ARHGAP6: variants seen among roughly 807,000 people sequenced by gnomAD.
ARHGAP6 encodes rho GTPase-activating protein 6.
ARHGAP6 carries 16 observed loss-of-function variants against 55.7 expected under a neutral mutation model. The ratio of observed to expected loss-of-function variants is 0.29; its 90% confidence interval spans 0.19 to 0.44. The LOEUF (loss-of-function observed/expected upper bound fraction) is 0.44, where lower values mean the gene tolerates loss of function less well. ARHGAP6 is among the 20% of genes least tolerant of loss of function. The pLI, the probability that ARHGAP6 is intolerant of heterozygous loss-of-function variation, is 1.00. For missense variants in ARHGAP6, 698 were observed against 808.9 expected (o/e 0.86, Z 1.66); for synonymous variants, 382 against 360.9 (o/e 1.06, Z -0.66).
intron 1 of ARHGAP6, among the ~76,000 whole-genome samples, chrX:11,465,607 C>T (rs73500884): frequency 1.8e-5 from 2 of 111,709 alleles, no homozygotes; most frequent in Non-Finnish European, 3.8e-5. Context: ...ATTAGAAATA[C>T]TTGATCTGGA....
chrX:11,344,678 C>CAA (rs34123570), intron 1 of ARHGAP6, among the ~76,000 whole-genome samples: 13 of 28,260 alleles, frequency 4.6e-4, no homozygotes, highest in African/African-American at 6.0e-4. Flanking sequence ...AACTCCATCA[C>CAA]AAAAAAAAAA....
At chrX:11,215,283 G>A (rs2046863883) in intron 2 of ARHGAP6, among the ~76,000 whole-genome samples, 1 of 113,001 alleles carries the variant, frequency 8.8e-6, no homozygotes, top group Non-Finnish European at 1.9e-5. Context: ...GAGATCCTCT[G>A]TCATCCCACA....
chrX:11,203,747 A>T (rs1390902436), intron 2 of ARHGAP6, among the ~76,000 whole-genome samples: 3 of 111,564 alleles, frequency 2.7e-5, no homozygotes, highest in Non-Finnish European at 5.6e-5. Flanking sequence ...CAAACAGTGG[A>T]CCCTTCTCCA....
chrX:11,239,484 T>G (rs1602939240), intron 2 of ARHGAP6, among the ~76,000 whole-genome samples: 1 of 111,127 alleles, frequency 9.0e-6, no homozygotes, highest in East Asian at 2.8e-4. Context: ...AACATGTGCC[T>G]AAGCTGACAT....
At chrX:11,202,087 A>G (rs1191350052) in intron 2 of ARHGAP6, among the ~76,000 whole-genome samples, 1 of 102,493 alleles carries the variant, frequency 9.8e-6, no homozygotes, top group African/African-American at 3.6e-5. Flanking sequence ...ATTGGCTGGT[A>G]TTCTTAGCTA....
rs751080433 is a variant in ARHGAP6, at chrX:11,254,716, C to CAAAAA, written c.589-14_589-10dup. The CAAAAA allele has an allele frequency of 6.9e-6, 6 of 869,079 alleles. No homozygotes were observed. Among genetic ancestry groups the CAAAAA allele is most frequent in the African/African-American group, 7.1e-5 (2 of 28,192 alleles). 71.6% of individuals were successfully genotyped at this position (869,079 alleles called of 1,213,427 possible). A position where few individuals can be genotyped will look rare whatever the true frequency, so the allele number is the denominator to read the frequency against. On this transcript the variant is annotated splice_polypyrimidine_tract_variant and intron_variant, in intron 1 of 12. Coordinates refer to ENST00000337414, the MANE Select transcript of ARHGAP6 (RefSeq NM_013427.3). ...TTCCAGGTGAAATCACCCTGTAGGC[C>CAAAAA]AAAAAAAAAAAAAAAAAAAAAATCA...
intron 9 of ARHGAP6, among the ~76,000 whole-genome samples, chrX:11,168,946 C>G (rs1357525741): frequency 1.8e-5 from 2 of 111,666 alleles, no homozygotes; most frequent in Non-Finnish European, 3.8e-5. Flanking sequence ...ATGGTGCAGT[C>G]CTTGTTTTAA....
At chrX:11,190,467 A>ATT (rs1449750507) in intron 3 of ARHGAP6, among the ~76,000 whole-genome samples, 15,605 of 100,171 alleles carry the variant, frequency 0.16, 1,157 homozygotes, top group Middle Eastern at 0.21. Context: ...GGAGATATAT[A>ATT]TATATATATA....
chrX:11,274,503 C>T (rs1211907449), intron 1 of ARHGAP6, among the ~76,000 whole-genome samples: 1 of 111,844 alleles, frequency 8.9e-6, no homozygotes, highest in Non-Finnish European at 1.9e-5. Context: ...GACCCCAGAT[C>T]TGGACCCACT....
At chrX:11,171,684 C>T (rs1018827435) in intron 8 of ARHGAP6, among the ~76,000 whole-genome samples, 6 of 111,703 alleles carry the variant, frequency 5.4e-5, no homozygotes, top group South Asian at 3.7e-4. Context: ...TTCAGGTGAA[C>T]GGGAGAGTCT....
chrX:11,385,025 G>A (rs2049311624), intron 1 of ARHGAP6, among the ~76,000 whole-genome samples: 2 of 111,875 alleles, frequency 1.8e-5, no homozygotes, highest in South Asian at 7.5e-4. Flanking sequence ...AAGTATAAAT[G>A]ACCATGATTC....
intron 1 of ARHGAP6, among the ~76,000 whole-genome samples, chrX:11,423,755 G>A (rs1328188095): frequency 8.9e-6 from 1 of 112,260 alleles, no homozygotes. Context: ...TTTTCAACCT[G>A]CCAGCGAGAG....
intron 1 of ARHGAP6, among the ~76,000 whole-genome samples, chrX:11,614,793 A>C (rs2052144332): frequency 1.8e-5 from 2 of 112,395 alleles, no homozygotes; most frequent in African/African-American, 6.5e-5. Context: ...GGAGAGGCGA[A>C]GAAAACGTAT....
At chrX:11,357,726 C>T (rs1030513316) in intron 1 of ARHGAP6, among the ~76,000 whole-genome samples, 1 of 111,424 alleles carries the variant, frequency 9.0e-6, no homozygotes, top group African/African-American at 3.3e-5. Flanking sequence ...TTTTAAAACC[C>T]AGAAATTATC....
chrX:11,481,682 T>C (rs2050457996), intron 1 of ARHGAP6, among the ~76,000 whole-genome samples: 1 of 112,831 alleles, frequency 8.9e-6, no homozygotes, highest in Admixed American at 9.4e-5. Context: ...ATAACTATAT[T>C]CCAAATATTG....
chrX:11,377,379 A>C, intron 1 of ARHGAP6, among the ~76,000 whole-genome samples: 1 of 112,410 alleles, frequency 8.9e-6, no homozygotes, highest in Non-Finnish European at 1.9e-5. Context: ...AAAGCAGATT[A>C]GTGTTTGCAA....
At chrX:11,172,313 T>TTTTC (rs1444214066) in intron 8 of ARHGAP6, among the ~76,000 whole-genome samples, 1 of 111,783 alleles carries the variant, frequency 8.9e-6, no homozygotes, top group Non-Finnish European at 1.9e-5. Flanking sequence ...GTCCAATCAT[T>TTTTC]TTTCTTTGTT....
intron 1 of ARHGAP6, among the ~76,000 whole-genome samples, chrX:11,398,262 TAA>T (rs60548732): frequency 1.1e-3 from 63 of 58,825 alleles, no homozygotes; most frequent in African/African-American, 3.0e-3. Context: ...GTAAGTGCTA[TAA>T]AAAAAAAAAA....
chrX:11,497,635 T>C (rs1214014302), intron 1 of ARHGAP6, among the ~76,000 whole-genome samples: 1 of 102,402 alleles, frequency 9.8e-6, no homozygotes, highest in Non-Finnish European at 2.0e-5. Flanking sequence ...GCAATCCAGG[T>C]AAAGAGGCCT....
Sources: allele counts gnomAD v4.1 joint callset (sites outside exome capture counted in the v4.1 genomes callset), GRCh38; gene constraint gnomAD v4.1.1; transcripts MANE v1.5; gene names NCBI Gene and HGNC (gene_info 2026-07-23, HGNC 2026-07-21).